BOC: variants seen among roughly 807,000 people sequenced by gnomAD.
BOC encodes the protein BOC cell adhesion associated, oncogene regulated, also known as brother of CDO.
BOC carries 76 observed loss-of-function variants against 112.0 expected under a neutral mutation model. The ratio of observed to expected loss-of-function variants is 0.68; its 90% CI spans 0.56 to 0.82. The LOEUF is 0.82. Ranked by LOEUF, BOC falls within the 40% of genes least tolerant of loss-of-function variation. BOC has a pLI of 0.00. For missense variants in BOC, 1,309 were observed against 1,511.7 expected, an observed-to-expected ratio of 0.87 and a Z score of 2.22; for synonymous variants, 580 against 599.8, an observed-to-expected ratio of 0.97 and a Z score of 0.48.
intron 3 of BOC, 130 bp downstream of exon 3, chr3:113,250,029 G>T: frequency 1.3e-6 from 1 of 753,738 alleles, no homozygotes. Flanking sequence ...GGCCTTCAGG[G>T]ACACAAGAAC....
chr3:113,224,517 C>A (rs1941316403), intron 2 of BOC, among the ~76,000 whole-genome samples: 1 of 148,674 alleles, frequency 6.7e-6, no homozygotes, highest in Non-Finnish European at 1.5e-5. Context: ...AAGCCCACTC[C>A]AACTCTGGAC....
chr3:113,272,401 C>A lies in BOC; in HGVS notation c.668-9C>A. 1.2e-6 allele frequency: 2 copies of A among 1,611,430 alleles called. No homozygotes were observed. ...ACGCCTTCTGTCCTTGCCCTCCTTG[C>A]CCCTCCAGGCTCCACCGCTGAGGCT... On this transcript the variant is annotated splice_polypyrimidine_tract_variant and intron_variant, in intron 6 of 19. Coordinates refer to ENST00000682979, the MANE Select transcript of BOC (RefSeq NM_001378074.1).
Position 113,283,399 on chromosome 3 carries a change from C to T in BOC, c.2435-12C>T, listed in dbSNP as rs1219821440. ...AAACATATGCTGAAGTGAGTTTTGT[C>T]CACAATTACAGCTCGGAAGTCTTCT... On this transcript the variant is annotated splice_polypyrimidine_tract_variant and intron_variant, in intron 15 of 19. Transcript: ENST00000682979. 3.4e-5 allele frequency: 54 copies of T among 1,578,330 alleles called. No individual in the cohort carries two copies. Among genetic ancestry groups the T allele is most frequent in the Non-Finnish European group, 4.4e-5 (51 of 1,157,850 alleles).
At chr3:113,280,937 CCA>C in intron 14 of BOC, 92 bp from the exon 15 acceptor site, 6 of 1,534,162 alleles carry the variant, frequency 3.9e-6, no homozygotes, top group Non-Finnish European at 4.4e-6. Flanking sequence ...GCATCCTCCC[CCA>C]CACACTGCCC....
At chr3:113,250,016 A>G in intron 3 of BOC, 117 bp downstream of exon 3, 3 of 838,624 alleles carry the variant, frequency 3.6e-6, no homozygotes, top group Non-Finnish European at 5.7e-6. Context: ...CTTTATTCCC[A>G]TTGGCCTTCA....
intron 19 of BOC, among the ~76,000 whole-genome samples, chr3:113,285,924 T>C (rs537466011): frequency 1.3e-4 from 20 of 152,372 alleles, no homozygotes; most frequent in African/African-American, 4.8e-4. Flanking sequence ...CATTCTCTAA[T>C]CACTCTGAAA....
chr3:113,274,549 C>A lies in BOC; in HGVS notation c.1409C>A (p.Ala470Asp), dbSNP rs575931318. ...TGTCCAGGAGAGAAGGGGCAGGGGG[C>A]TCCCGCCGAGGCTCCCATCATCCTC... ...PQCPGEKGQG[A>D]PAEAPIILSS... The change falls in exon 9 of 20, where the codon GCT (alanine) becomes GAT (aspartate). Residue 470 changes from alanine to aspartate, a missense_variant. Ala to Asp is a moderately radical substitution (Grantham distance 126, BLOSUM62 -2). Coordinates refer to ENST00000682979, the MANE Select transcript of BOC (RefSeq NM_001378074.1). This position sits in a 1 kb window ranked among gnomAD's most constrained non-coding sequence, Gnocchi z 4.8. 2.5e-6 allele frequency: 4 copies of A among 1,613,398 alleles called. No individual in the cohort carries two copies.
chr3:113,268,563 A>T, intron 5 of BOC, 118 bp downstream of exon 5: 1 of 932,486 alleles, frequency 1.1e-6, no homozygotes, highest in Non-Finnish European at 1.6e-6. Flanking sequence ...ACCCCCCTCA[A>T]CATGCCAGCA....
In BOC at chr3:113,260,768, A is replaced by G. The variant is rs185860048; in HGVS notation, c.377-7531A>G. Among the ~76,000 whole-genome samples the G allele has an allele frequency of 7.2e-3, 634 of 87,964 alleles. 6 individuals carry two copies. Among genetic ancestry groups the G allele is most frequent in the Middle Eastern group, 0.021 (4 of 192 alleles). The allele number at this position is 87,964 out of a possible 152,430, so 57.7% of individuals were successfully genotyped here. A position where few individuals can be genotyped will look rare whatever the true frequency, so the allele number is the denominator to read the frequency against. ...GAACAGAACAGGTTTTCACCATTCA[A>G]TAGAATAGGGTTCACCATTAGAGGG... On this transcript the variant is annotated intron_variant, in intron 4 of 19. Coordinates refer to ENST00000682979, the MANE Select transcript of BOC (RefSeq NM_001378074.1).
intron 4 of BOC, 21 bp from the exon 5 acceptor site, chr3:113,268,278 C>T (rs1489232732): frequency 1.2e-6 from 2 of 1,613,608 alleles, no homozygotes; most frequent in Non-Finnish European, 1.7e-6. Flanking sequence ...CTCCAACCAG[C>T]ACCTTCCCTT....
rs1158081445 is a variant in BOC, at chr3:113,274,567, T to G, written c.1427T>G (p.Ile476Ser). 6.2e-7 allele frequency: 1 copy of G among 1,613,566 alleles called. No individual in the cohort carries two copies. Among genetic ancestry groups the G allele is most frequent in the Admixed American group, 1.7e-5 (1 of 60,022 alleles). ...KGQGAPAEAP[I>S]ILSSPRTSKT... ...CAGGGGGCTCCCGCCGAGGCTCCCATCATCCTCAGCTCGCCCCGCACCTCC... is the reference window on the plus strand; with the variant it reads ...CAGGGGGCTCCCGCCGAGGCTCCCAGCATCCTCAGCTCGCCCCGCACCTCC... The change falls in exon 9 of 20, where the codon ATC (isoleucine) becomes AGC (serine). Residue 476 changes from isoleucine (I) to serine (S), a missense_variant. Ile to Ser is a moderately radical substitution (Grantham distance 142). Transcript: ENST00000682979. The surrounding 1 kb of genome is among the most constrained non-coding windows in gnomAD (Gnocchi z 4.8).
At chr3:113,236,288 A>ATATATATATATATATACCCATGGG (rs1553726854) in intron 2 of BOC, among the ~76,000 whole-genome samples, 1,014 of 21,620 alleles carry the variant, frequency 0.047, 83 homozygotes, top group Non-Finnish European at 0.058. Context: ...ATGGGTATAT[A>ATATATATATATATATACCCATGGG]TATATATATA....
Position 113,278,324 on chromosome 3 carries a change from T to G in BOC, c.1705+67T>G. 1 of 1,524,358 alleles carries G rather than the reference T, an allele frequency of 6.6e-7. No homozygotes were observed. Among genetic ancestry groups the G allele is most frequent in the Non-Finnish European group, 9.0e-7 (1 of 1,109,994 alleles). 94.4% of individuals were successfully genotyped at this position (1,524,358 alleles called of 1,614,324 possible). A position where few individuals can be genotyped will look rare whatever the true frequency, so the allele number is the denominator to read the frequency against. On this transcript the variant is annotated intron_variant, in intron 10 of 19. Coordinates refer to ENST00000682979, the MANE Select transcript of BOC (RefSeq NM_001378074.1). This position sits in a 1 kb window ranked among gnomAD's most constrained non-coding sequence, Gnocchi z 4.2. The stretch of plus-strand genomic sequence containing the variant: ...TCTAAGCAAGTTCCACTGGCCCAGG[T>G]GAGAATTCCTGCTCACCTTGCCCCA...
chr3:113,261,442 C>A (rs1242434709), intron 4 of BOC, among the ~76,000 whole-genome samples: 1 of 151,956 alleles, frequency 6.6e-6, no homozygotes, highest in East Asian at 1.9e-4. Context: ...TCATCTAGTC[C>A]AAAAGAAACT....
chr3:113,265,849 G>T (rs961878020), intron 4 of BOC, among the ~76,000 whole-genome samples: 2 of 152,238 alleles, frequency 1.3e-5, no homozygotes, highest in Non-Finnish European at 2.9e-5. Flanking sequence ...GCAGAGGCAG[G>T]TTGCACACCC....
At chr3:113,272,755 C>T (rs1322732297) in intron 7 of BOC, 52 bp downstream of exon 7, 1 of 1,581,316 alleles carries the variant, frequency 6.3e-7, no homozygotes. Flanking sequence ...CTGGTCTGTG[C>T]AGCCTTTCTA....
chr3:113,219,074 G>A (rs1266523425), intron 2 of BOC, among the ~76,000 whole-genome samples: 2 of 152,246 alleles, frequency 1.3e-5, no homozygotes, highest in African/African-American at 2.4e-5. Context: ...GTGTGTTCCA[G>A]ATTTTACAAA....
Position 113,278,743 on chromosome 3 carries a change from TC to T in BOC, c.1780del (p.Gln594ArgfsTer32). 6.4e-7 allele frequency: 1 copy of T among 1,564,624 alleles called. No homozygotes were observed. Among genetic ancestry groups the T allele is most frequent in the Non-Finnish European group, 8.7e-7 (1 of 1,154,670 alleles). On this transcript the variant is annotated frameshift_variant, in exon 11 of 20. Transcript: ENST00000682979. LOFTEE classifies it high-confidence loss of function. The surrounding 1 kb of genome is among the most constrained non-coding windows in gnomAD (Gnocchi z 4.2). The part of the protein sequence containing the change: ...QIQRDDPGAS[P>X]QSSSQPDHGR... ...TCCAGAGAGACGACCCTGGAGCCAG[TC>T]CCCAGAGCAGCAGCCAGCCAGACCA...
chr3:113,235,842 C>T (rs1333889065), intron 2 of BOC, among the ~76,000 whole-genome samples: 1 of 152,022 alleles, frequency 6.6e-6, no homozygotes, highest in Non-Finnish European at 1.5e-5. Context: ...CGAGAATCAG[C>T]CCATTGCTTA....
Sources: gnomAD v4.1 joint callset for allele counts (sites outside exome capture counted in the v4.1 genomes callset) on GRCh38, gnomAD v4.1.1 for gene constraint, Gnocchi (gnomAD v3.1) non-coding constraint, MANE v1.5 for transcripts, NCBI Gene and HGNC (gene_info 2026-07-23, HGNC 2026-07-21) for gene names.